KLHL1: variants seen among roughly 807,000 people sequenced by gnomAD.
KLHL1 encodes the protein kelch-like protein 1.
Under a neutral mutation model 77.7 loss-of-function variants are expected in KLHL1, and 47 were observed. That is an observed-to-expected ratio of 0.60 (90% CI 0.48 to 0.77). The LOEUF is 0.77. KLHL1 is among the 30% of genes least tolerant of loss of function. KLHL1 has a pLI of 0.00. For synonymous variants in KLHL1, 360 were observed against 325.2 expected (o/e 1.11, Z -1.15); for missense variants, 925 against 910.8 (o/e 1.02, Z -0.20).
chr13:69,808,333 A>C (rs1161488475), intron 6 of KLHL1, among the ~76,000 whole-genome samples: 1 of 151,834 alleles, frequency 6.6e-6, no homozygotes, highest in African/African-American at 2.4e-5. Context: ...ACTGTCTCTT[A>C]CTCTTAAGGA....
At chr13:70,104,070 T>C (rs1173209243) in intron 1 of KLHL1, among the ~76,000 whole-genome samples, 2 of 152,168 alleles carry the variant, frequency 1.3e-5, no homozygotes, top group Non-Finnish European at 1.5e-5. Flanking sequence ...TGCAAGAATA[T>C]AAATATTGCT....
chr13:69,756,952 G>GAAAC (rs936355289), intron 7 of KLHL1, among the ~76,000 whole-genome samples: 1 of 151,942 alleles, frequency 6.6e-6, no homozygotes, highest in Non-Finnish European at 1.5e-5. Flanking sequence ...TAATTAAACA[G>GAAAC]AAACAAACAA....
At chr13:70,104,697 T>C (rs950458735) in intron 1 of KLHL1, among the ~76,000 whole-genome samples, 5 of 152,236 alleles carry the variant, frequency 3.3e-5, no homozygotes, top group African/African-American at 1.2e-4. Flanking sequence ...GATATGATAA[T>C]GACCTAAGTG....
At chr13:69,848,129 AAGCG>A (rs941592072) in intron 5 of KLHL1, among the ~76,000 whole-genome samples, 1 of 151,438 alleles carries the variant, frequency 6.6e-6, no homozygotes, top group African/African-American at 2.4e-5. Flanking sequence ...CAAACTGTAC[AAGCG>A]AAAACAGAAA....
intron 1 of KLHL1, among the ~76,000 whole-genome samples, chr13:70,078,528 TGAA>T (rs907712052): frequency 1.3e-5 from 2 of 152,066 alleles, no homozygotes; most frequent in African/African-American, 4.8e-5. Flanking sequence ...CAGAGCTTAG[TGAA>T]GGGTATTGGC....
chr13:69,800,371 G>C lies in KLHL1; in HGVS notation c.1415-3409C>G, dbSNP rs551504081. Among the ~76,000 whole-genome samples, 63 of 152,174 alleles carry C rather than the reference G, an allele frequency of 4.1e-4. 1 individual carries two copies. In the South Asian group the frequency reaches 0.013, roughly 32 times the overall value. On this transcript the variant is annotated intron_variant, in intron 6 of 10. Coordinates refer to ENST00000377844, the MANE Select transcript of KLHL1 (RefSeq NM_020866.3). ...TATGGACATTTTTCTGGGCGGGGTG[G>C]AGGGAGGTGCATTATTCAGCTTACC...
intron 8 of KLHL1, among the ~76,000 whole-genome samples, chr13:69,720,237 C>T (rs1367492250): frequency 1.3e-5 from 2 of 151,762 alleles, no homozygotes; most frequent in African/African-American, 4.8e-5. Context: ...ATGATAGAAC[C>T]CCCCCAAAAT....
chr13:69,813,402 A>G (rs1374607473), intron 6 of KLHL1, among the ~76,000 whole-genome samples: 3 of 151,920 alleles, frequency 2.0e-5, no homozygotes, highest in Non-Finnish European at 2.9e-5. Flanking sequence ...ACAGCACACC[A>G]ACATGACACA....
intron 1 of KLHL1, among the ~76,000 whole-genome samples, chr13:70,067,850 A>G (rs1887046652): frequency 6.6e-6 from 1 of 152,150 alleles, no homozygotes; most frequent in South Asian, 2.1e-4. Context: ...TAATATGACA[A>G]CCAGTGGAGC....
At chr13:70,020,994 T>C (rs1369999406) in intron 1 of KLHL1, among the ~76,000 whole-genome samples, 1 of 152,108 alleles carries the variant, frequency 6.6e-6, no homozygotes. Context: ...ACCAGAGTGA[T>C]ACATTCACTA....
intron 1 of KLHL1, among the ~76,000 whole-genome samples, chr13:70,045,907 C>T (rs927901005): frequency 6.6e-6 from 1 of 152,194 alleles, no homozygotes; most frequent in Non-Finnish European, 1.5e-5. Flanking sequence ...CACATTTAAA[C>T]CCTATGCCTG....
At chr13:69,822,949 T>C (rs1268011944) in intron 6 of KLHL1, among the ~76,000 whole-genome samples, 1 of 151,916 alleles carries the variant, frequency 6.6e-6, no homozygotes, top group African/African-American at 2.4e-5. Flanking sequence ...CTTTATGTTT[T>C]TATAACAACT....
In KLHL1 at chr13:70,016,326, G is replaced by C. The variant is rs557527028; in HGVS notation, c.498-40524C>G. 6.6e-5 allele frequency among the ~76,000 whole-genome samples: 10 copies of C among 152,298 alleles called. No homozygotes were observed. The South Asian group carries it at 1.9e-3, about 28-fold the overall frequency. On this transcript the variant is annotated intron_variant, in intron 1 of 10. Transcript: ENST00000377844. ...GCCCCCTACTGAGTTAAAAGGGTGG[G>C]AATCCCACACTCCCAGGGACATCTG...
At chr13:69,704,231 T>C (rs1450389492) in intron 10 of KLHL1, among the ~76,000 whole-genome samples, 2 of 151,714 alleles carry the variant, frequency 1.3e-5, no homozygotes, top group Non-Finnish European at 3.0e-5. Context: ...GTTTCTTATG[T>C]CAGTGAATGA....
intron 4 of KLHL1, among the ~76,000 whole-genome samples, chr13:69,892,761 T>C (rs1169470663): frequency 6.6e-6 from 1 of 152,136 alleles, no homozygotes; most frequent in South Asian, 2.1e-4. Context: ...GGATAAAAAG[T>C]ATGTGTAGAA....
chr13:70,084,099 T>C (rs1366865053), intron 1 of KLHL1, among the ~76,000 whole-genome samples: 1 of 152,180 alleles, frequency 6.6e-6, no homozygotes, highest in African/African-American at 2.4e-5. Flanking sequence ...TAGATTTTAA[T>C]GCAAAAATTT....
rs1566243626 is a variant in KLHL1 at position 69,780,710 on chromosome 13, A to ATG, written c.1639+16027_1639+16028insCA. On this transcript the variant is annotated intron_variant, in intron 7 of 10. Transcript: ENST00000377844. ...CATATATATATATATATGTATATAT[A>ATG]TATATGTATATATATATATATACAT... is the stretch of plus-strand genomic sequence containing the variant. 8.4e-3 allele frequency among the ~76,000 whole-genome samples: 333 copies of ATG among 39,548 alleles called. 10 individuals carry two copies. Among genetic ancestry groups the ATG allele is most frequent in the African/African-American group, 0.034 (317 of 9,202 alleles). The allele number at this position is 39,548 out of a possible 152,430, so 25.9% of individuals were successfully genotyped here.
intron 5 of KLHL1, among the ~76,000 whole-genome samples, chr13:69,865,470 T>G (rs1247788456): frequency 6.6e-6 from 1 of 152,170 alleles, no homozygotes; most frequent in African/African-American, 2.4e-5. Context: ...GTAAATGATG[T>G]GCGCATTTCA....
chr13:69,942,473 AG>A (rs1264372130), intron 3 of KLHL1, among the ~76,000 whole-genome samples: 1 of 152,090 alleles, frequency 6.6e-6, no homozygotes, highest in African/African-American at 2.4e-5. Flanking sequence ...CATCATGAAT[AG>A]TTTTATGACA....
Sources: gnomAD v4.1 joint callset for allele counts (sites outside exome capture counted in the v4.1 genomes callset) on GRCh38, gnomAD v4.1.1 for gene constraint, MANE v1.5 for transcripts, NCBI Gene and HGNC (gene_info 2026-07-23, HGNC 2026-07-21) for gene names.